RAPGEF1: variants seen among roughly 807,000 people sequenced by gnomAD.
The protein encoded by RAPGEF1 is Rap guanine nucleotide exchange factor 1, also known as CRK SH3-binding GNRP.
RAPGEF1 carries 33 observed loss-of-function variants against 143.3 expected under a neutral mutation model. The ratio of observed to expected loss-of-function variants is 0.23; its 90% CI spans 0.17 to 0.31. The LOEUF (loss-of-function observed/expected upper bound fraction) is 0.31. Ranked by LOEUF, RAPGEF1 falls within the 10% of genes least tolerant of loss-of-function variation. The pLI is 1.00. For missense variants in RAPGEF1, 1,199 were observed against 1,645.4 expected (o/e 0.73, Z 4.69); for synonymous variants, 629 against 676.5 (o/e 0.93, Z 1.09).
At chr9:131,708,797 T>C (rs1029197550) in intron 1 of RAPGEF1, among the ~76,000 whole-genome samples, 4 of 152,046 alleles carry the variant, frequency 2.6e-5, no homozygotes, top group African/African-American at 9.7e-5. Flanking sequence ...AGTGGCGCAA[T>C]CTCGGCTACT....
intron 1 of RAPGEF1, among the ~76,000 whole-genome samples, chr9:131,665,573 G>C (rs184295461): frequency 6.6e-6 from 1 of 152,122 alleles, no homozygotes; most frequent in Non-Finnish European, 1.5e-5. Context: ...CCTTCTGTTT[G>C]AAAACCTCTG....
At chr9:131,587,633 G>T in intron 22 of RAPGEF1, 103 bp downstream of exon 22, 1 of 1,060,792 alleles carries the variant, frequency 9.4e-7, no homozygotes, top group African/African-American at 1.6e-5. Flanking sequence ...GAAAGAGGCA[G>T]CTCCTTCTCC....
chr9:131,732,352 C>T (rs1229044063), intron 1 of RAPGEF1, among the ~76,000 whole-genome samples: 3 of 152,164 alleles, frequency 2.0e-5, no homozygotes, highest in South Asian at 2.1e-4. Flanking sequence ...CAGGGCAGAA[C>T]GAGCATTACC....
In RAPGEF1 at chr9:131,650,711, CA is replaced by C. The variant is rs1970862146; in HGVS notation, c.201+98del. ...GGAATGCTACGAAGTAGGTATGATG[CA>C]CTGAAAGCTCAATCCCCAGGGAGGG... On this transcript the variant is annotated intron_variant, in intron 2 of 26. Transcript: ENST00000683357. The surrounding 1 kb of genome is among the most constrained non-coding windows in gnomAD (Gnocchi z 4.7). The C allele has an allele frequency of 4.0e-6, 6 of 1,486,588 alleles. No individual in the cohort carries two copies. Among genetic ancestry groups the C allele is most frequent in the African/African-American group, 1.4e-5 (1 of 71,146 alleles). The allele number at this position is 1,486,588 out of a possible 1,614,324, so 92.1% of individuals were successfully genotyped here.
At chr9:131,737,269 T>A (rs1206846667) in intron 1 of RAPGEF1, 8 of 1,423,432 alleles carry the variant, frequency 5.6e-6, no homozygotes, top group Non-Finnish European at 7.9e-6. Context: ...CAGCTCCTGG[T>A]CAGCCCCTTC....
chr9:131,676,954 T>C (rs1485569382), intron 1 of RAPGEF1, among the ~76,000 whole-genome samples: 1 of 152,348 alleles, frequency 6.6e-6, no homozygotes, highest in Middle Eastern at 3.4e-3. Flanking sequence ...CAATCTGTTT[T>C]AACAAGCTCT....
chr9:131,732,952 T>G (rs990078698), intron 1 of RAPGEF1, among the ~76,000 whole-genome samples: 2 of 152,132 alleles, frequency 1.3e-5, no homozygotes, highest in African/African-American at 2.4e-5. Context: ...TTTGAATGAG[T>G]GAAACATCAT....
chr9:131,659,217 T>C (rs1973336724), intron 1 of RAPGEF1, among the ~76,000 whole-genome samples: 1 of 152,174 alleles, frequency 6.6e-6, no homozygotes, highest in African/African-American at 2.4e-5. Flanking sequence ...AAGATGAGGA[T>C]TTCCAATTTT....
At chr9:131,643,746 G>A (rs1370249675) in intron 3 of RAPGEF1, among the ~76,000 whole-genome samples, 3 of 152,208 alleles carry the variant, frequency 2.0e-5, no homozygotes, top group Non-Finnish European at 2.9e-5. Flanking sequence ...TAACTAGAGT[G>A]AGGACTAATT....
At chr9:131,592,336 CTGG>C (rs1954446203) in intron 17 of RAPGEF1, among the ~76,000 whole-genome samples, 153 bp from the exon 18 acceptor site, 2 of 152,168 alleles carry the variant, frequency 1.3e-5, no homozygotes, top group South Asian at 4.1e-4. Flanking sequence ...GGAACCCCCT[CTGG>C]TGTCTCCGCC....
chr9:131,735,554 G>A (rs113466663), intron 1 of RAPGEF1, among the ~76,000 whole-genome samples: 2,326 of 152,320 alleles, frequency 0.015, 59 homozygotes, highest in African/African-American at 0.052. Context: ...TGATGGAGCC[G>A]GTGCTCAATC....
intron 12 of RAPGEF1, among the ~76,000 whole-genome samples, chr9:131,607,205 T>C (rs1213758583): frequency 6.6e-6 from 1 of 152,202 alleles, no homozygotes; most frequent in Non-Finnish European, 1.5e-5. Context: ...TCAGTGGAAG[T>C]GTCATACATG....
Position 131,621,683 on chromosome 9 carries a change from G to A in RAPGEF1, c.1905+113C>T, listed in dbSNP as rs1475774585. On this transcript the variant is annotated intron_variant, in intron 11 of 26. Coordinates refer to ENST00000683357, the MANE Select transcript of RAPGEF1 (RefSeq NM_001377935.1). The surrounding 1 kb of genome is among the most constrained non-coding windows in gnomAD (Gnocchi z 4.5). ...ATGGTGCCTTCCACGCCCAAAACCA[G>A]GGCCCTGCCACAGCAGGGAGGAGGG... 3 of 1,117,914 alleles carry A rather than the reference G, an allele frequency of 2.7e-6. No homozygotes were observed. The highest frequency in any genetic ancestry group is 3.8e-6 in the Non-Finnish European group (3 of 785,228). 69.2% of individuals were successfully genotyped at this position (1,117,914 alleles called of 1,614,324 possible).
intron 6 of RAPGEF1, 139 bp from the exon 7 acceptor site, chr9:131,629,393 G>C: frequency 1.2e-6 from 1 of 865,588 alleles, no homozygotes; most frequent in Non-Finnish European, 1.8e-6. Flanking sequence ...CCTGGATATA[G>C]AACCCTGGGG....
chr9:131,632,749 T>C (rs1402779762), intron 5 of RAPGEF1, among the ~76,000 whole-genome samples: 2 of 152,244 alleles, frequency 1.3e-5, no homozygotes, highest in African/African-American at 4.8e-5. Flanking sequence ...CTGGTTTATA[T>C]TGCACGTTTT....
Position 131,579,540 on chromosome 9 carries a change from C to T in RAPGEF1, c.3749G>A (p.Arg1250Lys), listed in dbSNP as rs769972842. The T allele has an allele frequency of 1.2e-6, 2 of 1,613,930 alleles. No individual in the cohort carries two copies. Among genetic ancestry groups the T allele is most frequent in the South Asian group, 1.1e-5 (1 of 91,092 alleles). ...LWELSLKIKPRNITRRKTDRE... is the reference protein window; with the variant it reads ...LWELSLKIKPKNITRRKTDRE... ...GTCTGTTTTTCTCCTTGTTATGTTC[C>T]TGGGTTTAATTTTCAGAGACAGTTC... The change falls in exon 27 of 27, where the codon AGG (arginine) becomes AAG (lysine). Residue 1250 changes from arginine to lysine, a missense_variant. Around this residue, in one of 6 missense-constraint regions of RAPGEF1, gnomAD observed 67 missense variants for 105.4 expected, o/e 0.64. Coordinates refer to ENST00000683357, the MANE Select transcript of RAPGEF1 (RefSeq NM_001377935.1).
At chr9:131,691,464 T>C (rs918522948) in intron 1 of RAPGEF1, among the ~76,000 whole-genome samples, 2 of 152,250 alleles carry the variant, frequency 1.3e-5, no homozygotes, top group Non-Finnish European at 1.5e-5. Flanking sequence ...AACAGCCAAA[T>C]TTCCTTGTCA....
intron 1 of RAPGEF1, among the ~76,000 whole-genome samples, chr9:131,672,495 G>C (rs1376191635): frequency 5.3e-5 from 8 of 152,170 alleles, no homozygotes; most frequent in Non-Finnish European, 1.0e-4. Flanking sequence ...CTGGGGAAGG[G>C]ACCCAGGACA....
chr9:131,680,070 G>C (rs771618679), intron 1 of RAPGEF1, among the ~76,000 whole-genome samples: 5 of 152,310 alleles, frequency 3.3e-5, no homozygotes, highest in Non-Finnish European at 7.3e-5. Context: ...ATAACTAAAC[G>C]CAACTAAAAC....
Sources: allele counts gnomAD v4.1 joint callset (sites outside exome capture counted in the v4.1 genomes callset), GRCh38; gene constraint gnomAD v4.1.1; regional missense constraint gnomAD v4.1.1; non-coding constraint Gnocchi (gnomAD v3.1); transcripts MANE v1.5; gene names NCBI Gene and HGNC (gene_info 2026-07-23, HGNC 2026-07-21).